MYO9A: variants seen among roughly 807,000 people sequenced by gnomAD.
The protein encoded by MYO9A is myosin IXA.
MYO9A carries 103 observed loss-of-function variants against 293.3 expected under a neutral mutation model. That is an observed-to-expected ratio of 0.35 (90% CI 0.30 to 0.41). The LOEUF is 0.41. MYO9A is among the 10% of genes least tolerant of loss of function. The pLI is 1.00. For synonymous variants in MYO9A, 1,001 were observed against 1,035.7 expected (o/e 0.97, Z 0.64); for missense variants, 2,685 against 3,033.0 (o/e 0.89, Z 2.69).
Position 72,020,805 on chromosome 15 carries a change from A to G in MYO9A, c.1098+113T>C. On this transcript the variant is annotated intron_variant, in intron 5 of 41. Transcript: ENST00000356056. ...CCTAAATTTGTAGAGTACATATATG[A>G]AAATGCTAGCTAATCCATTCCTAGG... 4 of 525,906 alleles carry G rather than the reference A, an allele frequency of 7.6e-6. No homozygotes were observed. The Middle Eastern group carries it at 1.5e-3, about 192-fold the overall frequency. The allele number at this position is 525,906 out of a possible 1,614,324, so 32.6% of individuals were successfully genotyped here.
chr15:72,102,300 G>A (rs183131181), intron 1 of MYO9A, among the ~76,000 whole-genome samples: 8,892 of 150,060 alleles, frequency 0.059, 245 homozygotes, highest in Non-Finnish European at 0.09. Context: ...TGCTCGTTAA[G>A]AGTCATCACC....
intron 2 of MYO9A, among the ~76,000 whole-genome samples, chr15:72,037,546 T>C (rs937981799): frequency 4.6e-5 from 7 of 152,088 alleles, no homozygotes; most frequent in Admixed American, 2.6e-4. Context: ...CAGAACCTCA[T>C]AGTAAAGACT....
chr15:71,979,127 T>C (rs1424445038), intron 11 of MYO9A, among the ~76,000 whole-genome samples: 1 of 152,188 alleles, frequency 6.6e-6, no homozygotes, highest in Non-Finnish European at 1.5e-5. Flanking sequence ...TTCTTTTTTG[T>C]TGTTCTTTTT....
rs150925456 is a variant in MYO9A, at chr15:71,908,302, A to G, written c.2686-3296T>C. Among the ~76,000 whole-genome samples, 273 of 152,116 alleles carry G rather than the reference A, an allele frequency of 1.8e-3. 1 individual carries two copies. Among genetic ancestry groups the G allele is most frequent in the Middle Eastern group, 3.4e-3 (1 of 294 alleles). ...GGGCTCTGTTCTGTTCCATTGATCT[A>G]TATCTCTGTTTTGGTACCCGGCTAA... On this transcript the variant is annotated intron_variant, in intron 19 of 41. Transcript: ENST00000356056.
chr15:71,829,996 GAC>G (rs1279887132), intron 40 of MYO9A, 111 bp downstream of exon 40: 11 of 1,085,238 alleles, frequency 1.0e-5, no homozygotes, highest in Admixed American at 2.0e-5. Context: ...TGTATCATCT[GAC>G]ACAGTGTTTA....
intron 1 of MYO9A, among the ~76,000 whole-genome samples, chr15:72,063,009 G>A (rs879693263): frequency 1.1e-4 from 17 of 152,200 alleles, no homozygotes; most frequent in Non-Finnish European, 2.2e-4. Flanking sequence ...ATGACAGAGC[G>A]AGATCCCATC....
At chr15:71,920,091 C>T (rs756000325) in intron 18 of MYO9A, among the ~76,000 whole-genome samples, 6 of 152,074 alleles carry the variant, frequency 3.9e-5, no homozygotes, top group Non-Finnish European at 7.4e-5. Flanking sequence ...TAAAATAGGA[C>T]CGTAAATCTA....
chr15:71,933,594 T>C (rs1274203418), intron 18 of MYO9A, 76 bp downstream of exon 18: 16 of 1,301,382 alleles, frequency 1.2e-5, no homozygotes, highest in Admixed American at 1.9e-5. Context: ...TTTTTTGATG[T>C]ATGAAGATTG....
At chr15:71,919,827 A>AT (rs1312133730) in intron 18 of MYO9A, among the ~76,000 whole-genome samples, 1 of 139,054 alleles carries the variant, frequency 7.2e-6, no homozygotes, top group Non-Finnish European at 1.6e-5. Context: ...GGGCGACAGA[A>AT]TAAGACTCCA....
intron 1 of MYO9A, among the ~76,000 whole-genome samples, chr15:72,108,530 C>A (rs2080655595): frequency 6.6e-6 from 1 of 152,034 alleles, no homozygotes; most frequent in Admixed American, 6.5e-5. Flanking sequence ...GAACTTCCTA[C>A]ATTGAGAGAC....
At chr15:71,979,477 A>C (rs1462594625) in intron 11 of MYO9A, among the ~76,000 whole-genome samples, 2 of 152,212 alleles carry the variant, frequency 1.3e-5, no homozygotes, top group Non-Finnish European at 2.9e-5. Context: ...CTTCTAATAC[A>C]ATCAATAAGA....
chr15:71,982,073 G>A (rs1039160903), intron 11 of MYO9A, among the ~76,000 whole-genome samples: 1 of 127,144 alleles, frequency 7.9e-6, no homozygotes, highest in African/African-American at 3.2e-5. Flanking sequence ...AGGCTGGAGT[G>A]CAGTGGCCCA....
Position 71,826,600 on chromosome 15 carries a change from T to G in MYO9A, c.7627A>C (p.Asn2543His). 6.3e-7 allele frequency: 1 copy of G among 1,596,218 alleles called. No individual in the cohort carries two copies. Among genetic ancestry groups the G allele is most frequent in the Non-Finnish European group, 8.5e-7 (1 of 1,174,330 alleles). The change falls in exon 42 of 42, where the codon AAT (asparagine) becomes CAT (histidine). Residue 2543 changes from asparagine (N) to histidine (H), a missense_variant. By Grantham distance (68) the Asn-to-His change is moderately conservative (BLOSUM62 1). Around this residue, in one of 10 missense-constraint regions of MYO9A, gnomAD observed 350 missense variants for 328.9 expected, o/e 1.06. Transcript: ENST00000356056. ...CCGGTTCAGACCATAAATTCATTAT[T>G]TCCAAAGAGTGCTAGCTGTTGGTTG... ...TSNQQLALFG[N>H]NEFMV
Position 71,824,122 on chromosome 15 carries a change from C to G in MYO9A, c.*2458G>C, listed in dbSNP as rs2054373498. 6.6e-6 allele frequency: 1 copy of G among 152,154 alleles called. No individual in the cohort carries two copies. Among genetic ancestry groups the G allele is most frequent in the African/African-American group, 2.4e-5 (1 of 41,428 alleles). 9.4% of individuals were successfully genotyped at this position (152,154 alleles called of 1,614,324 possible). On this transcript the variant is annotated 3_prime_UTR_variant, in exon 42 of 42. Transcript: ENST00000356056. ...TCTCCACTCTTATCATTTTGTGGCT[C>G]TCTCCTCCTCACCCACCCACCCCAA...
chr15:71,858,721 G>A, intron 34 of MYO9A: 1 of 109,658 alleles, frequency 9.1e-6, no homozygotes. Flanking sequence ...GGGGGGAGGG[G>A]GGAGGGATAG....
chr15:71,988,238 G>T (rs769769833), intron 11 of MYO9A, among the ~76,000 whole-genome samples: 2 of 152,138 alleles, frequency 1.3e-5, no homozygotes, highest in Non-Finnish European at 2.9e-5. Context: ...AAGAGATAAA[G>T]AATATTAACT....
intron 38 of MYO9A, among the ~76,000 whole-genome samples, chr15:71,849,371 C>T (rs2055535828): frequency 6.6e-6 from 1 of 152,082 alleles, no homozygotes; most frequent in African/African-American, 2.4e-5. Flanking sequence ...ATCGCTTAAA[C>T]CTGGGAGGTG....
intron 34 of MYO9A, among the ~76,000 whole-genome samples, chr15:71,857,098 G>C (rs2055893931): frequency 6.6e-6 from 1 of 152,014 alleles, no homozygotes; most frequent in Non-Finnish European, 1.5e-5. Context: ...AAATCCCTAT[G>C]GCATTAGAAA....
At chr15:72,003,012 G>A (rs1004488749) in intron 8 of MYO9A, among the ~76,000 whole-genome samples, 1 of 152,210 alleles carries the variant, frequency 6.6e-6, no homozygotes, top group Admixed American at 6.5e-5. Context: ...GCTCATGCCT[G>A]TAATCCCAGC....
Sources: gnomAD v4.1 joint callset for allele counts (sites outside exome capture counted in the v4.1 genomes callset) on GRCh38, gnomAD v4.1.1 for gene constraint, gnomAD v4.1.1 regional missense constraint, MANE v1.5 for transcripts, NCBI Gene and HGNC (gene_info 2026-07-23, HGNC 2026-07-21) for gene names.